NETO1: variants seen among roughly 807,000 people sequenced by gnomAD.
NETO1 encodes the protein neuropilin and tolloid like 1, also known as neuropilin and tolloid-like protein 1.
A neutral mutation model predicts 61.3 loss-of-function variants in NETO1; 26 were observed. The observed-to-expected ratio is 0.42, with a 90% CI of 0.31 to 0.59. NETO1 has a LOEUF of 0.59. Among genes scored for constraint, NETO1 ranks in the 20% least tolerant of loss-of-function variants. NETO1 has a pLI of 0.12. For missense variants in NETO1, 531 were observed against 662.8 expected (o/e 0.80, Z 2.18); for synonymous variants, 225 against 225.8 (o/e 1.00, Z 0.03).
chr18:72,856,783 G>T (rs549108452), intron 4 of NETO1, among the ~76,000 whole-genome samples: 1 of 152,262 alleles, frequency 6.6e-6, no homozygotes, highest in African/African-American at 2.4e-5. Flanking sequence ...CAGAGCCCTG[G>T]CAATTCTCGT....
intron 7 of NETO1, 71 bp from the exon 8 acceptor site, chr18:72,756,218 C>A (rs1373948002): frequency 1.2e-5 from 8 of 694,742 alleles, no homozygotes; most frequent in East Asian, 5.3e-5. Context: ...ACTCACATTA[C>A]AAATCTAAAA....
chr18:72,761,832 C>A (rs898539132), intron 7 of NETO1, among the ~76,000 whole-genome samples: 7 of 152,022 alleles, frequency 4.6e-5, no homozygotes, highest in Non-Finnish European at 1.0e-4. Flanking sequence ...ATAATAAATT[C>A]TTTGGAAACA....
At position 72,772,803 on chromosome 18, in the gene NETO1, C is replaced by CTG. The variant is rs1568187285; in HGVS notation, c.868+10874_868+10875insCA. Among the ~76,000 whole-genome samples the CTG allele has an allele frequency of 9.0e-4, 43 of 48,038 alleles. 2 individuals carry two copies. Among genetic ancestry groups the CTG allele is most frequent in the African/African-American group, 3.0e-3 (40 of 13,330 alleles). The allele number at this position is 48,038 out of a possible 152,430, so 31.5% of individuals were successfully genotyped here. ...CAGATCTCTATATAGTTCTCTCTCT[C>CTG]TCTCTCTCTCTCTCTCTCTCTCTAT... On this transcript the variant is annotated intron_variant, in intron 7 of 10. Transcript: ENST00000327305.
chr18:72,784,055 G>C (rs975051719), intron 6 of NETO1, 149 bp from the exon 7 acceptor site: 6 of 630,386 alleles, frequency 9.5e-6, no homozygotes, highest in Non-Finnish European at 1.6e-5. Flanking sequence ...GAAGATGTAC[G>C]ATAAGAACAA....
intron 4 of NETO1, among the ~76,000 whole-genome samples, chr18:72,798,062 A>G (rs1396487930): frequency 6.6e-6 from 1 of 152,206 alleles, no homozygotes; most frequent in Non-Finnish European, 1.5e-5. Context: ...TTTACCGTCT[A>G]CTTCCACTGC....
rs2145161598 is a variant in NETO1, at chr18:72,805,293, T to A, written c.470-10889A>T. Among the ~76,000 whole-genome samples the A allele has an allele frequency of 1.3e-5, 2 of 152,300 alleles. 1 individual carries two copies. Among genetic ancestry groups the A allele is most frequent in the Middle Eastern group, 6.8e-3 (2 of 294 alleles). ...TCAAGAATTTTCCTATAATACAAACTAAAATACAAATGAATCAAATTTTTA... is the reference window on the plus strand; with the variant it reads ...TCAAGAATTTTCCTATAATACAAACAAAAATACAAATGAATCAAATTTTTA... On this transcript the variant is annotated intron_variant, in intron 4 of 10. Transcript: ENST00000327305.
intron 4 of NETO1, among the ~76,000 whole-genome samples, chr18:72,806,902 A>G (rs1195970997): frequency 6.6e-6 from 1 of 152,190 alleles, no homozygotes. Flanking sequence ...GGACATTCTT[A>G]TTTCCATCCT....
At chr18:72,754,261 A>G (rs189655413) in intron 8 of NETO1, among the ~76,000 whole-genome samples, 6 of 152,254 alleles carry the variant, frequency 3.9e-5, no homozygotes, top group Non-Finnish European at 8.8e-5. Context: ...AAAGCAATAA[A>G]GAAGGAAAAG....
At chr18:72,791,604 C>G (rs2072120885) in intron 6 of NETO1, among the ~76,000 whole-genome samples, 1 of 152,146 alleles carries the variant, frequency 6.6e-6, no homozygotes, top group South Asian at 2.1e-4. Context: ...TATTGTTGCT[C>G]TGGGATTGTA....
chr18:72,841,743 A>AAAAAAAAC, intron 4 of NETO1, among the ~76,000 whole-genome samples: 1 of 143,440 alleles, frequency 7.0e-6, no homozygotes, highest in Non-Finnish European at 1.5e-5. Context: ...CAACAAAAAA[A>AAAAAAAAC]AAAAAAAAAA....
rs2070388086 is a variant in NETO1, at chr18:72,744,373, AAC to A, written c.*3804_*3805del. On this transcript the variant is annotated 3_prime_UTR_variant, in exon 11 of 11. Coordinates refer to ENST00000327305, the MANE Select transcript of NETO1 (RefSeq NM_138966.5). ...TTATAAAAACATTTCTGGCTATTTT[AAC>A]AGTGTACTTTTATTTTTCTACCTTA... The A allele has an allele frequency of 6.6e-6, 1 of 152,190 alleles. No individual in the cohort carries two copies. Among genetic ancestry groups the A allele is most frequent in the South Asian group, 2.1e-4 (1 of 4,832 alleles). The allele number at this position is 152,190 out of a possible 1,614,324, so 9.4% of individuals were successfully genotyped here.
At chr18:72,765,539 C>T (rs1322781040) in intron 7 of NETO1, among the ~76,000 whole-genome samples, 1 of 152,070 alleles carries the variant, frequency 6.6e-6, no homozygotes, top group Non-Finnish European at 1.5e-5. Flanking sequence ...GTGTCTCAGC[C>T]TCCCGAGTAG....
At chr18:72,751,050 TACACACACACAC>T (rs764681364) in intron 8 of NETO1, among the ~76,000 whole-genome samples, 1 of 138,028 alleles carries the variant, frequency 7.2e-6, no homozygotes, top group African/African-American at 2.8e-5. Flanking sequence ...CATCTTAAAA[TACACACACACAC>T]ACACACACAC....
rs904385811 is a variant in NETO1, at chr18:72,824,633, G to A, written c.470-30229C>T. On this transcript the variant is annotated intron_variant, in intron 4 of 10. Coordinates refer to ENST00000327305, the MANE Select transcript of NETO1 (RefSeq NM_138966.5). The stretch of plus-strand genomic sequence containing the variant: ...TAATTCCAACACTTTGGGAGGCCGA[G>A]GCGGGCAGATCACCTAAGGTCAGGA... Among the ~76,000 whole-genome samples the A allele has an allele frequency of 4.6e-5, 7 of 152,088 alleles. No homozygotes were observed. In the South Asian group the frequency reaches 1.5e-3, roughly 32 times the overall value.
At chr18:72,847,625 A>G (rs945847455) in intron 4 of NETO1, among the ~76,000 whole-genome samples, 2 of 152,230 alleles carry the variant, frequency 1.3e-5, no homozygotes, top group African/African-American at 4.8e-5. Context: ...CATTCATATA[A>G]AATCAGATGA....
chr18:72,866,866 G>A, intron 1 of NETO1: 5 of 900,852 alleles, frequency 5.6e-6, no homozygotes, highest in Non-Finnish European at 6.8e-6. Context: ...ACAGGGGCCC[G>A]CCGAGCTCCG....
chr18:72,785,642 A>T (rs2071888943), intron 6 of NETO1, among the ~76,000 whole-genome samples: 1 of 152,184 alleles, frequency 6.6e-6, no homozygotes, highest in African/African-American at 2.4e-5. Context: ...GCACCCATTA[A>T]CTCGTCATTT....
chr18:72,756,892 A>G (rs1028269079), intron 7 of NETO1, among the ~76,000 whole-genome samples: 1 of 152,100 alleles, frequency 6.6e-6, no homozygotes, highest in Admixed American at 6.6e-5. Flanking sequence ...TTAATATAGC[A>G]ATGTAAAATG....
intron 1 of NETO1, chr18:72,865,560 G>A: frequency 3.1e-6 from 5 of 1,606,310 alleles, no homozygotes; most frequent in Non-Finnish European, 3.4e-6. Context: ...GAGTCACACT[G>A]TATCTAAACT....
Sources: gnomAD v4.1 joint callset for allele counts (sites outside exome capture counted in the v4.1 genomes callset) on GRCh38, gnomAD v4.1.1 for gene constraint, MANE v1.5 for transcripts, NCBI Gene and HGNC (gene_info 2026-07-23, HGNC 2026-07-21) for gene names.